KIFAP3: variants seen among roughly 807,000 people sequenced by gnomAD.
The protein encoded by KIFAP3 is kinesin associated protein 3.
Under a neutral mutation model 106.5 loss-of-function variants are expected in KIFAP3, and 68 were observed. That is an observed-to-expected ratio of 0.64 (90% CI 0.53 to 0.78). The LOEUF (loss-of-function observed/expected upper bound fraction) is 0.78, where lower values mean the gene tolerates loss of function less well. Among genes scored for constraint, KIFAP3 ranks in the 30% least tolerant of loss-of-function variants. The probability of loss-of-function intolerance (pLI) is 0.00; values close to 1 mark genes in which losing one functional copy is unlikely to be tolerated. For synonymous variants in KIFAP3, 320 were observed against 311.5 expected (o/e 1.03, Z -0.29); for missense variants, 780 against 941.8 (o/e 0.83, Z 2.25).
intron 19 of KIFAP3, among the ~76,000 whole-genome samples, chr1:169,952,907 G>A (rs918374228): frequency 1.3e-5 from 2 of 151,962 alleles, no homozygotes; most frequent in Non-Finnish European, 2.9e-5. Flanking sequence ...TCGCACATTG[G>A]TCACAACTGT....
intron 1 of KIFAP3, among the ~76,000 whole-genome samples, chr1:170,061,481 T>C (rs1483622240): frequency 1.3e-5 from 2 of 152,152 alleles, no homozygotes; most frequent in African/African-American, 2.4e-5. Flanking sequence ...TCACACTAGT[T>C]AGAATGGTGA....
upstream of KIFAP3, chr1:170,074,856 G>A (rs937438671): frequency 8.7e-5 from 56 of 646,384 alleles, no homozygotes; most frequent in Non-Finnish European, 1.1e-4. Context: ...CGTAGTCACC[G>A]CCCCCTTGAG....
chr1:169,978,587 C>T (rs949959918), intron 15 of KIFAP3, among the ~76,000 whole-genome samples: 1 of 151,870 alleles, frequency 6.6e-6, no homozygotes, highest in Non-Finnish European at 1.5e-5. Context: ...AATTTAGTTT[C>T]CATCTAATTA....
At chr1:170,016,981 G>A (rs1668553284) in intron 9 of KIFAP3, among the ~76,000 whole-genome samples, 1 of 152,192 alleles carries the variant, frequency 6.6e-6, no homozygotes, top group Non-Finnish European at 1.5e-5. Context: ...AGATGAGGCT[G>A]GGCACAGTGG....
At chr1:169,974,748 GAATA>G (rs1168850588) in intron 16 of KIFAP3, among the ~76,000 whole-genome samples, 2 of 151,688 alleles carry the variant, frequency 1.3e-5, no homozygotes, top group East Asian at 1.9e-4. Flanking sequence ...TTTATTTAAT[GAATA>G]AATAAATAAT....
At chr1:170,043,845 G>C (rs1013607106) in intron 3 of KIFAP3, among the ~76,000 whole-genome samples, 3 of 152,084 alleles carry the variant, frequency 2.0e-5, no homozygotes, top group Admixed American at 2.0e-4. Context: ...TTGAAATAAA[G>C]GCCTTAATTG....
At chr1:169,988,199 C>G (rs977291319) in intron 11 of KIFAP3, among the ~76,000 whole-genome samples, 1 of 151,988 alleles carries the variant, frequency 6.6e-6, no homozygotes, top group African/African-American at 2.4e-5. Flanking sequence ...GAATTCTAAT[C>G]TAATTATAGG....
At chr1:170,079,727 A>C (rs1158461407), upstream of KIFAP3, among the ~76,000 whole-genome samples, 2 of 151,892 alleles carry the variant, frequency 1.3e-5, no homozygotes, top group African/African-American at 4.8e-5. Flanking sequence ...CTTTTTCTCA[A>C]GATCATTTTG....
chr1:169,997,116 G>A (rs1667404919), intron 10 of KIFAP3, among the ~76,000 whole-genome samples: 1 of 152,130 alleles, frequency 6.6e-6, no homozygotes. Flanking sequence ...TCAGGCTCTG[G>A]AGGCAGAATG....
intron 3 of KIFAP3, among the ~76,000 whole-genome samples, chr1:170,045,514 T>C (rs985829565): frequency 6.6e-6 from 1 of 152,200 alleles, no homozygotes; most frequent in Non-Finnish European, 1.5e-5. Context: ...TCAGGCAAAG[T>C]ATAACACTTA....
intron 19 of KIFAP3, among the ~76,000 whole-genome samples, chr1:169,950,191 A>G (rs1263373254): frequency 6.6e-6 from 1 of 152,168 alleles, no homozygotes; most frequent in Non-Finnish European, 1.5e-5. Context: ...GTGTCATACA[A>G]ATTAGCAATT....
chr1:170,031,781 T>A (rs757651483), intron 8 of KIFAP3, 105 bp downstream of exon 8: 44 of 660,760 alleles, frequency 6.7e-5, no homozygotes, highest in Non-Finnish European at 5.3e-6. Context: ...TATAGAACTT[T>A]CAGCTATTCT....
intron 10 of KIFAP3, among the ~76,000 whole-genome samples, chr1:170,011,827 G>C (rs1054476806): frequency 6.6e-6 from 1 of 152,034 alleles, no homozygotes. Context: ...GAGAAGTTTA[G>C]CTTACTGTGT....
chr1:169,982,307 G>A (rs112253089), intron 14 of KIFAP3, among the ~76,000 whole-genome samples: 1 of 152,102 alleles, frequency 6.6e-6, no homozygotes, highest in Non-Finnish European at 1.5e-5. Context: ...CAGTAGAAAA[G>A]TGGAAATGAG....
At chr1:169,934,303 G>A (rs749052892) in intron 19 of KIFAP3, among the ~76,000 whole-genome samples, 3 of 152,100 alleles carry the variant, frequency 2.0e-5, no homozygotes, top group Non-Finnish European at 4.4e-5. Flanking sequence ...ACCGTAGTGA[G>A]ACTGAACTGT....
At chr1:170,038,658 A>G (rs1232140688) in intron 4 of KIFAP3, among the ~76,000 whole-genome samples, 1 of 152,236 alleles carries the variant, frequency 6.6e-6, no homozygotes, top group Non-Finnish European at 1.5e-5. Context: ...AAAATTGTCT[A>G]TCAATATAAA....
chr1:170,061,557 T>C (rs1014960070), intron 1 of KIFAP3, among the ~76,000 whole-genome samples: 57 of 152,320 alleles, frequency 3.7e-4, no homozygotes, highest in African/African-American at 1.3e-3. Flanking sequence ...AGTTTTACAC[T>C]GTTGGTGGGA....
chr1:169,972,670 A>C, intron 16 of KIFAP3, 72 bp from the exon 17 acceptor site: 10 of 684,840 alleles, frequency 1.5e-5, no homozygotes, highest in Non-Finnish European at 2.2e-5. Flanking sequence ...CAAAAATCTC[A>C]TATTTTTCTA....
At chr1:170,067,278 T>G (rs1457081549) in intron 1 of KIFAP3, among the ~76,000 whole-genome samples, 1 of 151,990 alleles carries the variant, frequency 6.6e-6, no homozygotes, top group Non-Finnish European at 1.5e-5. Flanking sequence ...CAGAGCAATA[T>G]ATGAAAAGAT....
Sources: allele counts gnomAD v4.1 joint callset (sites outside exome capture counted in the v4.1 genomes callset), GRCh38; gene constraint gnomAD v4.1.1; transcripts MANE v1.5; gene names NCBI Gene and HGNC (gene_info 2026-07-23, HGNC 2026-07-21).